COL19A1: variants seen among roughly 807,000 people sequenced by gnomAD.
COL19A1 encodes collagen type XIX alpha 1 chain.
A neutral mutation model predicts 190.2 loss-of-function variants in COL19A1; 159 were observed. The ratio of observed to expected loss-of-function variants is 0.84; its 90% CI spans 0.73 to 0.95. The LOEUF is 0.95. COL19A1 is among the 40% of genes least tolerant of loss of function. COL19A1 has a pLI of 0.00. For synonymous variants in COL19A1, 509 were observed against 458.9 expected (o/e 1.11, Z -1.39); for missense variants, 1,418 against 1,431.9 (o/e 0.99, Z 0.16).
At chr6:70,055,896 G>T (rs949773769) in intron 14 of COL19A1, among the ~76,000 whole-genome samples, 20 of 148,716 alleles carry the variant, frequency 1.3e-4, no homozygotes, top group African/African-American at 3.2e-4. Context: ...GTTTCGGTTT[G>T]TTTTTTTTCT....
In COL19A1 at chr6:70,208,369, C is replaced by G. The variant is rs1164468349; in HGVS notation, c.*1095C>G. The G allele has an allele frequency of 2.0e-5, 3 of 152,264 alleles. No individual in the cohort carries two copies. Among genetic ancestry groups the G allele is most frequent in the African/African-American group, 7.2e-5 (3 of 41,458 alleles). 9.4% of individuals were successfully genotyped at this position (152,264 alleles called of 1,614,324 possible). A position where few individuals can be genotyped will look rare whatever the true frequency, so the allele number is the denominator to read the frequency against. On this transcript the variant is annotated 3_prime_UTR_variant, in exon 51 of 51. Transcript: ENST00000620364. ...AGCTCTTAAGGAGAATTGTATTTCTCCAGAAGCTGCAGCAAGAGGTACAGC... is the reference window on the plus strand; with the variant it reads ...AGCTCTTAAGGAGAATTGTATTTCTGCAGAAGCTGCAGCAAGAGGTACAGC...
chr6:70,192,555 C>T (rs758998173), intron 48 of COL19A1, among the ~76,000 whole-genome samples: 23 of 150,650 alleles, frequency 1.5e-4, no homozygotes, highest in Non-Finnish European at 3.1e-4. Context: ...CTAAACTTTG[C>T]TTTCCAAACA....
At chr6:70,048,392 C>A (rs1780019882) in intron 14 of COL19A1, among the ~76,000 whole-genome samples, 1 of 152,068 alleles carries the variant, frequency 6.6e-6, no homozygotes, top group South Asian at 2.1e-4. Context: ...TTCCTCCCTT[C>A]CTCTTTTACC....
chr6:70,087,229 G>A (rs4707626), intron 15 of COL19A1, among the ~76,000 whole-genome samples: 11,769 of 152,182 alleles, frequency 0.077, 582 homozygotes, highest in South Asian at 0.15. Flanking sequence ...GAGACAGATG[G>A]CCACAAAATA....
chr6:70,197,959 C>G (rs548354207), intron 48 of COL19A1, among the ~76,000 whole-genome samples: 1 of 152,294 alleles, frequency 6.6e-6, no homozygotes, highest in South Asian at 2.1e-4. Flanking sequence ...CTTTCTTAAC[C>G]AGTATGGGCC....
intron 50 of COL19A1, 82 bp from the exon 51 acceptor site, chr6:70,207,065 G>A (rs1285551356): frequency 1.0e-5 from 16 of 1,601,564 alleles, no homozygotes; most frequent in Middle Eastern, 1.7e-4. Context: ...ATGTCAAGTC[G>A]AGTGATCCAT....
At chr6:70,128,698 A>G (rs967440106) in intron 17 of COL19A1, among the ~76,000 whole-genome samples, 4 of 152,184 alleles carry the variant, frequency 2.6e-5, no homozygotes, top group Non-Finnish European at 5.9e-5. Flanking sequence ...TAGGAGAGAG[A>G]AGGTAGACTT....
At chr6:69,952,728 T>C (rs1466425181) in intron 9 of COL19A1, among the ~76,000 whole-genome samples, 1 of 151,990 alleles carries the variant, frequency 6.6e-6, no homozygotes, top group African/African-American at 2.4e-5. Flanking sequence ...TCCCTAACAG[T>C]CTTTGTATTT....
chr6:69,925,094 A>T (rs1772271243), intron 4 of COL19A1, among the ~76,000 whole-genome samples: 1 of 152,058 alleles, frequency 6.6e-6, no homozygotes, highest in Non-Finnish European at 1.5e-5. Flanking sequence ...GTTTAATTAG[A>T]TCCCATTTGT....
intron 17 of COL19A1, among the ~76,000 whole-genome samples, chr6:70,128,351 T>C (rs1785324880): frequency 6.6e-6 from 1 of 152,120 alleles, no homozygotes; most frequent in Admixed American, 6.6e-5. Flanking sequence ...GGAGAAAGTG[T>C]TGAGTCACAA....
intron 46 of COL19A1, among the ~76,000 whole-genome samples, chr6:70,186,678 T>A (rs1031185225): frequency 1.3e-5 from 2 of 152,106 alleles, no homozygotes; most frequent in African/African-American, 4.8e-5. Flanking sequence ...AACTGAATAT[T>A]TGAAAATTTA....
chr6:69,999,220 G>A (rs1777101437), intron 11 of COL19A1, among the ~76,000 whole-genome samples: 1 of 149,320 alleles, frequency 6.7e-6, no homozygotes, highest in Admixed American at 6.7e-5. Flanking sequence ...ACCATGCCCG[G>A]CCTTCTTTTT....
intron 17 of COL19A1, among the ~76,000 whole-genome samples, chr6:70,123,683 T>C (rs1357125241): frequency 6.8e-6 from 1 of 148,048 alleles, no homozygotes; most frequent in Non-Finnish European, 1.5e-5. Flanking sequence ...TTGGAAATCA[T>C]CATTCTCAGT....
chr6:70,091,532 AC>A (rs1782925623), intron 15 of COL19A1, among the ~76,000 whole-genome samples: 1 of 145,382 alleles, frequency 6.9e-6, no homozygotes, highest in Non-Finnish European at 1.5e-5. Context: ...TTATAAAAAC[AC>A]AGCGAAAAGC....
rs1787049168 is a variant in COL19A1, at chr6:70,151,410, T to C, written c.2051T>C (p.Leu684Pro). The C allele has an allele frequency of 6.2e-7, 1 of 1,612,716 alleles. No individual in the cohort carries two copies. The highest frequency in any genetic ancestry group is 1.1e-5 in the South Asian group (1 of 91,040). Residue 684 changes from leucine to proline, a missense_variant, in exon 31 of 51, where the codon CTC (leucine) becomes CCC (proline). By Grantham distance (98) the Leu-to-Pro change is moderately conservative (BLOSUM62 -3). Transcript: ENST00000620364. ...TCTTAACCACAGATTGCACTTCCTCTCTTGGGAGACATCGGTGCTTTGCTC... is the reference window on the plus strand; with the variant it reads ...TCTTAACCACAGATTGCACTTCCTCCCTTGGGAGACATCGGTGCTTTGCTC... ...GPPGDPIALP[L>P]LGDIGALLKN...
chr6:70,187,171 C>T (rs993865074), intron 46 of COL19A1, among the ~76,000 whole-genome samples: 36 of 152,244 alleles, frequency 2.4e-4, no homozygotes, highest in Non-Finnish European at 3.4e-4. Flanking sequence ...TGAGCCACCG[C>T]GCCTGGCCCA....
At chr6:70,152,888 A>G (rs192915309) in intron 31 of COL19A1, among the ~76,000 whole-genome samples, 1 of 152,292 alleles carries the variant, frequency 6.6e-6, no homozygotes, top group Admixed American at 6.5e-5. Context: ...ATATACTGGT[A>G]GAATATGGGA....
chr6:69,936,859 T>G lies in COL19A1; in HGVS notation c.822T>G (p.Tyr274Ter), dbSNP rs745900679. ...CTCATGCCAGTAAAATGTCTTCATATCTGCCAGCAAAGCAGGAACTTAAAG... is the reference window on the plus strand; with the variant it reads ...CTCATGCCAGTAAAATGTCTTCATAGCTGCCAGCAAAGCAGGAACTTAAAG... ...VTAHASKMSS[Y>*]LPAKQELKDQ... The change falls in exon 8 of 51, where the codon TAT becomes TAG. Residue 274 changes from tyrosine (Y) to a stop codon, truncating the protein, a stop_gained. Transcript: ENST00000620364. LOFTEE classifies it high-confidence loss of function. 2 of 1,613,194 alleles carry G rather than the reference T, an allele frequency of 1.2e-6. No individual in the cohort carries two copies. Among genetic ancestry groups the G allele is most frequent in the Non-Finnish European group, 1.7e-6 (2 of 1,179,326 alleles).
intron 49 of COL19A1, among the ~76,000 whole-genome samples, chr6:70,201,995 A>G (rs1330620058): frequency 6.6e-6 from 1 of 152,220 alleles, no homozygotes; most frequent in Non-Finnish European, 1.5e-5. Context: ...GCTCTGCTCA[A>G]TTTAAGTGTT....
Sources: allele counts gnomAD v4.1 joint callset (sites outside exome capture counted in the v4.1 genomes callset), GRCh38; gene constraint gnomAD v4.1.1; transcripts MANE v1.5; gene names NCBI Gene and HGNC (gene_info 2026-07-23, HGNC 2026-07-21).